The following TM2D1 variants were observed in gnomAD, a reference collection of about 807,000 sequenced individuals.
TM2D1 encodes the protein TM2 domain containing 1.
TM2D1 carries 15 observed loss-of-function variants against 28.4 expected under a neutral mutation model. That is an observed-to-expected ratio of 0.53 (90% CI 0.35 to 0.81). The LOEUF (loss-of-function observed/expected upper bound fraction) is 0.81. Among genes scored for constraint, TM2D1 ranks in the 40% least tolerant of loss-of-function variants. TM2D1 has a pLI of 0.01. For synonymous variants in TM2D1, 93 were observed against 96.2 expected, an observed-to-expected ratio of 0.97 and a Z score of 0.20; for missense variants, 236 against 254.9, an observed-to-expected ratio of 0.93 and a Z score of 0.50.
chr1:61,701,556 C>CGTGTGT (rs60257971), intron 3 of TM2D1, among the ~76,000 whole-genome samples: 6,683 of 145,892 alleles, frequency 0.046, 441 homozygotes, highest in African/African-American at 0.15. Flanking sequence ...AATTCTCTTT[C>CGTGTGT]GTGTGTGTGT....
At chr1:61,703,318 TA>T (rs1211075152) in intron 3 of TM2D1, among the ~76,000 whole-genome samples, 3 of 147,200 alleles carry the variant, frequency 2.0e-5, no homozygotes, top group Non-Finnish European at 3.0e-5. Flanking sequence ...TAAATATTAT[TA>T]TATTTAATAT....
intron 2 of TM2D1, among the ~76,000 whole-genome samples, chr1:61,715,810 T>G (rs1394984958): frequency 2.6e-5 from 4 of 151,564 alleles, no homozygotes; most frequent in African/African-American, 9.7e-5. Flanking sequence ...GTTTATTTTT[T>G]TGTTTTTTTG....
Position 61,686,714 on chromosome 1 carries a change from C to T in TM2D1, c.514-3168G>A, listed in dbSNP as rs146820401. On this transcript the variant is annotated intron_variant, in intron 5 of 6. Coordinates refer to ENST00000606498, the MANE Select transcript of TM2D1 (RefSeq NM_032027.3). ...AACCTGTTTTAAGCACCCACATACA[C>T]ATATATAATAAATGTGCCAATTCTA... The T allele has an allele frequency of 2.9e-5, 21 of 731,536 alleles. No homozygotes were observed. The African/African-American group carries it at 3.4e-4, about 12-fold the overall frequency. 45.3% of individuals were successfully genotyped at this position (731,536 alleles called of 1,614,324 possible).
At chr1:61,697,827 T>C (rs1472113065) in intron 4 of TM2D1, 1 of 152,184 alleles carries the variant, frequency 6.6e-6, no homozygotes, top group Admixed American at 6.5e-5. Flanking sequence ...ATCTCTGATC[T>C]GTTCTCTAGT....
intron 1 of TM2D1, 60 bp downstream of exon 1, chr1:61,724,897 C>T (rs1254800245): frequency 6.6e-7 from 1 of 1,512,706 alleles, no homozygotes; most frequent in Admixed American, 2.2e-5. Flanking sequence ...ACGGCAGCGA[C>T]CCACCTGCGA....
At chr1:61,713,339 G>A (rs764506327) in intron 2 of TM2D1, among the ~76,000 whole-genome samples, 2 of 151,952 alleles carry the variant, frequency 1.3e-5, no homozygotes, top group East Asian at 1.9e-4. Context: ...TTAGCCAGGC[G>A]TGGTGACATG....
chr1:61,704,886 T>A (rs1644429824), intron 3 of TM2D1, among the ~76,000 whole-genome samples: 1 of 152,084 alleles, frequency 6.6e-6, no homozygotes, highest in South Asian at 2.1e-4. Flanking sequence ...CTGGTCAACA[T>A]AGTGACACCC....
At chr1:61,694,903 A>G in intron 4 of TM2D1, 133 bp from the exon 5 acceptor site, 1 of 447,440 alleles carries the variant, frequency 2.2e-6, no homozygotes, top group Non-Finnish European at 3.9e-6. Flanking sequence ...AGTAACACTT[A>G]AAGAAATCAA....
intron 4 of TM2D1, chr1:61,697,895 T>G (rs1385038406): frequency 6.6e-6 from 1 of 152,198 alleles, no homozygotes; most frequent in East Asian, 1.9e-4. Context: ...AACAAAGATA[T>G]TATTCCCTTA....
intron 5 of TM2D1, among the ~76,000 whole-genome samples, chr1:61,687,991 C>T (rs1644295571): frequency 6.6e-6 from 1 of 152,152 alleles, no homozygotes; most frequent in African/African-American, 2.4e-5. Flanking sequence ...TAAGATGATG[C>T]CATTAAAACC....
At chr1:61,724,794 TCCA>T in intron 1 of TM2D1, 160 bp downstream of exon 1, 1 of 758,448 alleles carries the variant, frequency 1.3e-6, no homozygotes, top group Non-Finnish European at 1.9e-6. Flanking sequence ...CCCTCCCATC[TCCA>T]CAACTCTGTT....
chr1:61,695,889 A>ATCTG (rs767042099), intron 4 of TM2D1, among the ~76,000 whole-genome samples: 2 of 152,206 alleles, frequency 1.3e-5, no homozygotes, highest in Non-Finnish European at 2.9e-5. Context: ...TTTGATTACT[A>ATCTG]TCTGTCACAC....
intron 5 of TM2D1, among the ~76,000 whole-genome samples, chr1:61,685,394 A>T (rs1644278164): frequency 6.6e-6 from 1 of 152,248 alleles, no homozygotes; most frequent in Admixed American, 6.5e-5. Context: ...CTTAAATGTC[A>T]ATTTAAAAAT....
intron 6 of TM2D1, among the ~76,000 whole-genome samples, chr1:61,681,931 A>G (rs994783747): frequency 2.6e-5 from 4 of 152,174 alleles, no homozygotes; most frequent in Non-Finnish European, 4.4e-5. Context: ...TTTTCCTGGT[A>G]AGAAGAGGTA....
chr1:61,683,313 G>T, intron 6 of TM2D1, 104 bp downstream of exon 6: 1 of 399,926 alleles, frequency 2.5e-6, no homozygotes. Flanking sequence ...GTACCTGAGA[G>T]GTTTATACGG....
chr1:61,721,363 G>A (rs933580175), intron 2 of TM2D1, among the ~76,000 whole-genome samples: 10 of 151,926 alleles, frequency 6.6e-5, no homozygotes, highest in Admixed American at 3.9e-4. Context: ...CCAATACGGC[G>A]AAACCCTGCC....
intron 3 of TM2D1, among the ~76,000 whole-genome samples, chr1:61,701,643 G>T (rs1299202119): frequency 6.6e-6 from 1 of 151,642 alleles, no homozygotes; most frequent in Non-Finnish European, 1.5e-5. Context: ...AGTAGTAAGT[G>T]GCCCAGAGAT....
At chr1:61,704,457 G>A (rs564962438) in intron 3 of TM2D1, among the ~76,000 whole-genome samples, 19 of 152,058 alleles carry the variant, frequency 1.2e-4, no homozygotes, top group African/African-American at 4.3e-4. Flanking sequence ...TTGAGATTTA[G>A]TTTCAATCTT....
intron 2 of TM2D1, among the ~76,000 whole-genome samples, chr1:61,712,298 T>C (rs759800812): frequency 1.3e-5 from 2 of 152,200 alleles, no homozygotes; most frequent in Non-Finnish European, 2.9e-5. Context: ...ATTCTGCACA[T>C]ATACCTGCTA....
Sources: gnomAD v4.1 joint callset for allele counts (sites outside exome capture counted in the v4.1 genomes callset) on GRCh38, gnomAD v4.1.1 for gene constraint, MANE v1.5 for transcripts, NCBI Gene and HGNC (gene_info 2026-07-23, HGNC 2026-07-21) for gene names.